The following GRID1 variants were observed in gnomAD, a reference collection of about 807,000 sequenced individuals.
GRID1 encodes glutamate receptor ionotropic, delta-1.
A neutral mutation model predicts 98.0 loss-of-function variants in GRID1; 28 were observed. That is an observed-to-expected ratio of 0.29 (90% confidence interval 0.21 to 0.39). The LOEUF (loss-of-function observed/expected upper bound fraction) is 0.39. Among genes scored for constraint, GRID1 ranks in the 10% least tolerant of loss-of-function variants. The probability of loss-of-function intolerance (pLI) is 1.00; values close to 1 mark genes in which losing one functional copy is unlikely to be tolerated. For synonymous variants in GRID1, 553 were observed against 538.5 expected, an observed-to-expected ratio of 1.03 and a Z score of -0.37; for missense variants, 1,111 against 1,340.5, an observed-to-expected ratio of 0.83 and a Z score of 2.67.
At chr10:86,327,041 C>A (rs149667833) in intron 2 of GRID1, among the ~76,000 whole-genome samples, 418 of 152,194 alleles carry the variant, frequency 2.7e-3, no homozygotes, top group Non-Finnish European at 4.5e-3. Flanking sequence ...GAGGGTGAGG[C>A]AGGAGAATCA....
intron 2 of GRID1, among the ~76,000 whole-genome samples, chr10:86,359,694 C>A (rs373045303): frequency 1.3e-5 from 2 of 152,226 alleles, no homozygotes; most frequent in African/African-American, 4.8e-5. Flanking sequence ...GTCTTTTACT[C>A]ACAGTAAAAA....
At chr10:86,275,383 TG>T (rs1847253850) in intron 2 of GRID1, among the ~76,000 whole-genome samples, 3 of 151,802 alleles carry the variant, frequency 2.0e-5, no homozygotes, top group African/African-American at 4.8e-5. Context: ...CAAGAAAACA[TG>T]GCCCATTCAA....
chr10:85,877,752 C>T lies in GRID1; in HGVS notation c.781-8572G>A, dbSNP rs557686415. On this transcript the variant is annotated intron_variant, in intron 5 of 15. Coordinates refer to ENST00000327946, the MANE Select transcript of GRID1 (RefSeq NM_017551.3). ...AAGGAACGCAGCTCCTCACCAGCAA[C>T]GGAACAAAGCTGAACGGAGAATGAC... is the stretch of plus-strand genomic sequence containing the variant. Among the ~76,000 whole-genome samples, 43 of 152,142 alleles carry T rather than the reference C, an allele frequency of 2.8e-4. No individual in the cohort carries two copies. The East Asian group carries it at 4.8e-3, about 17-fold the overall frequency.
chr10:86,211,515 C>T (rs1393708725), intron 2 of GRID1, among the ~76,000 whole-genome samples: 1 of 152,190 alleles, frequency 6.6e-6, no homozygotes, highest in Admixed American at 6.5e-5. Flanking sequence ...AGACAGCATT[C>T]GCAATACAAC....
At chr10:85,735,046 C>T (rs1841865251) in intron 8 of GRID1, among the ~76,000 whole-genome samples, 1 of 152,126 alleles carries the variant, frequency 6.6e-6, no homozygotes, top group African/African-American at 2.4e-5. Context: ...AAGTGGGAAG[C>T]CAGAAAAAGC....
intron 13 of GRID1, among the ~76,000 whole-genome samples, chr10:85,637,387 G>T (rs568154071): frequency 1.3e-5 from 2 of 152,152 alleles, no homozygotes; most frequent in Non-Finnish European, 2.9e-5. Flanking sequence ...TGGATCTGCC[G>T]TTGGGTGGAC....
intron 2 of GRID1, among the ~76,000 whole-genome samples, chr10:86,237,947 G>A (rs938278333): frequency 3.3e-5 from 5 of 152,118 alleles, no homozygotes; most frequent in Non-Finnish European, 4.4e-5. Flanking sequence ...TGAGAAAGGC[G>A]GCATTAGTAT....
intron 3 of GRID1, among the ~76,000 whole-genome samples, chr10:86,162,333 C>T (rs933413262): frequency 6.6e-6 from 1 of 152,024 alleles, no homozygotes; most frequent in African/African-American, 2.4e-5. Flanking sequence ...CGTGTCCCTG[C>T]TGAGGCCCAG....
intron 3 of GRID1, among the ~76,000 whole-genome samples, chr10:86,202,797 G>A (rs901603157): frequency 6.6e-6 from 1 of 152,182 alleles, no homozygotes; most frequent in African/African-American, 2.4e-5. Flanking sequence ...GGAGGCTGAT[G>A]GGCAAATGAG....
chr10:85,620,760 T>C (rs943202602), intron 13 of GRID1, among the ~76,000 whole-genome samples: 1 of 152,228 alleles, frequency 6.6e-6, no homozygotes, highest in Non-Finnish European at 1.5e-5. Context: ...CACACATGCC[T>C]GCACACAAAC....
chr10:86,260,511 C>T (rs1216558647), intron 2 of GRID1, among the ~76,000 whole-genome samples: 3 of 152,210 alleles, frequency 2.0e-5, no homozygotes, highest in African/African-American at 7.2e-5. Flanking sequence ...TCTAATGGGA[C>T]CTTCAGGAGC....
chr10:85,765,805 C>T (rs1590221805), intron 8 of GRID1, among the ~76,000 whole-genome samples: 1 of 152,344 alleles, frequency 6.6e-6, no homozygotes, highest in East Asian at 1.9e-4. Context: ...GACCACTGTT[C>T]CACCCAACTT....
intron 12 of GRID1, among the ~76,000 whole-genome samples, chr10:85,667,706 A>C (rs1841038716): frequency 6.6e-6 from 1 of 152,218 alleles, no homozygotes; most frequent in African/African-American, 2.4e-5. Context: ...TGCCCCCAGA[A>C]CTGAGCACAG....
chr10:85,917,104 A>G (rs1006856656), intron 4 of GRID1, among the ~76,000 whole-genome samples: 2 of 152,128 alleles, frequency 1.3e-5, no homozygotes, highest in Non-Finnish European at 2.9e-5. Context: ...CTTCAATTGA[A>G]AAGCCAACAG....
At chr10:85,822,060 G>A (rs1344737945) in intron 8 of GRID1, among the ~76,000 whole-genome samples, 8 of 152,084 alleles carry the variant, frequency 5.3e-5, no homozygotes, top group Admixed American at 3.9e-4. Context: ...AGACTTAAAC[G>A]TTAGACCTAA....
At chr10:86,153,971 C>T (rs200101056) in intron 3 of GRID1, among the ~76,000 whole-genome samples, 2 of 152,272 alleles carry the variant, frequency 1.3e-5, no homozygotes, top group East Asian at 1.9e-4. Flanking sequence ...CATCACATGC[C>T]GCACCCGCCC....
chr10:85,632,941 G>A (rs536759745), intron 13 of GRID1, among the ~76,000 whole-genome samples: 1 of 152,188 alleles, frequency 6.6e-6, no homozygotes, highest in East Asian at 1.9e-4. Flanking sequence ...TGTTCTCATT[G>A]TTCAGCTCCC....
rs573385578 is a variant in GRID1 at position 86,125,813 on chromosome 10, T to C, written c.726+13006A>G. Among the ~76,000 whole-genome samples the C allele has an allele frequency of 5.3e-5, 8 of 152,308 alleles. No individual in the cohort carries two copies. The South Asian group carries it at 1.0e-3, about 20-fold the overall frequency. The stretch of plus-strand genomic sequence containing the variant: ...TGATGAGCCGCTTCCACTTAATGAG[T>C]AGTAAATATATTTTCTCTTCCTATG... On this transcript the variant is annotated intron_variant, in intron 4 of 15. Transcript: ENST00000327946.
chr10:85,642,077 C>T (rs1434179877), intron 13 of GRID1, among the ~76,000 whole-genome samples: 1 of 152,206 alleles, frequency 6.6e-6, no homozygotes, highest in Non-Finnish European at 1.5e-5. Flanking sequence ...CCTGTCCAGA[C>T]CAGGAGTCCT....
Sources: allele counts gnomAD v4.1 joint callset (sites outside exome capture counted in the v4.1 genomes callset), GRCh38; gene constraint gnomAD v4.1.1; transcripts MANE v1.5; gene names NCBI Gene and HGNC (gene_info 2026-07-23, HGNC 2026-07-21).